The following NREP variants were observed in gnomAD, a reference collection of about 807,000 sequenced individuals.
The protein encoded by NREP is neuronal regeneration related protein.
Under a neutral mutation model 8.6 loss-of-function variants are expected in NREP, and 5 were observed. That is an observed-to-expected ratio of 0.58 (90% CI 0.30 to 1.22). The LOEUF is 1.22. NREP is among the 50% of genes most tolerant of loss of function. NREP has a pLI of 0.07. For synonymous variants in NREP, 27 were observed against 28.0 expected, an observed-to-expected ratio of 0.96 and a Z score of 0.11; for missense variants, 86 against 82.5, an observed-to-expected ratio of 1.04 and a Z score of -0.17.
At chr5:111,904,681 G>A (rs992313509) in intron 2 of NREP, among the ~76,000 whole-genome samples, 2 of 152,112 alleles carry the variant, frequency 1.3e-5, no homozygotes, top group South Asian at 2.1e-4. Flanking sequence ...GGTATAATGA[G>A]TATTTTGAAT....
intron 2 of NREP, among the ~76,000 whole-genome samples, chr5:111,838,054 G>A (rs1389256176): frequency 6.6e-6 from 1 of 151,966 alleles, no homozygotes; most frequent in Non-Finnish European, 1.5e-5. Flanking sequence ...AAAGAAATAT[G>A]TGTGCCATAT....
In NREP at chr5:111,940,844, C is replaced by T. The variant is rs189289939; in HGVS notation, c.135+34430G>A. The stretch of plus-strand genomic sequence containing the variant: ...AAGGACTCAGAGGACACAATAAAAC[C>T]ATTATACTTTTGGTTATAGTACAGT... On this transcript the variant is annotated intron_variant, in intron 2 of 3. Transcript: ENST00000395634. Among the ~76,000 whole-genome samples, 61 of 152,044 alleles carry T rather than the reference C, an allele frequency of 4.0e-4. No individual in the cohort carries two copies. The South Asian group carries it at 0.012, about 31-fold the overall frequency.
intron 2 of NREP, among the ~76,000 whole-genome samples, chr5:111,880,730 CTTTTTTTTTTTT>C (rs140190021): frequency 1.1e-5 from 1 of 92,178 alleles, no homozygotes; most frequent in African/African-American, 4.2e-5. Context: ...GAACATAAGC[CTTTTTTTTTTTT>C]TTTTTTTTTT....
intron 2 of NREP, among the ~76,000 whole-genome samples, chr5:111,907,210 T>C (rs1754799569): frequency 6.6e-6 from 1 of 152,148 alleles, no homozygotes; most frequent in South Asian, 2.1e-4. Context: ...CTGGCATCAA[T>C]TTTTTCTTAC....
chr5:111,845,053 C>T (rs920018488), intron 2 of NREP, among the ~76,000 whole-genome samples: 1 of 152,040 alleles, frequency 6.6e-6, no homozygotes, highest in Non-Finnish European at 1.5e-5. Flanking sequence ...GGTCGGGAGC[C>T]TGGGGCCACA....
At chr5:111,757,823 A>T (rs1254319620), upstream of NREP, 1 of 963,526 alleles carries the variant, frequency 1.0e-6, no homozygotes, top group Non-Finnish European at 1.2e-6. Flanking sequence ...TCAGACAAAT[A>T]AGGAGGTGGA....
At chr5:111,867,020 A>G (rs1327286436) in intron 2 of NREP, among the ~76,000 whole-genome samples, 1 of 152,106 alleles carries the variant, frequency 6.6e-6, no homozygotes, top group Non-Finnish European at 1.5e-5. Flanking sequence ...GGGGAGGGAT[A>G]GCATTTGGAG....
chr5:111,892,172 T>C (rs1754410248), intron 2 of NREP, among the ~76,000 whole-genome samples: 1 of 152,100 alleles, frequency 6.6e-6, no homozygotes, highest in African/African-American at 2.4e-5. Flanking sequence ...TACCTACATC[T>C]TTTAAGGGCA....
At chr5:111,865,687 T>A (rs1190357727) in intron 2 of NREP, among the ~76,000 whole-genome samples, 1 of 152,054 alleles carries the variant, frequency 6.6e-6, no homozygotes, top group African/African-American at 2.4e-5. Context: ...GTCATCAGAG[T>A]TCCTGTCTTT....
intron 2 of NREP, among the ~76,000 whole-genome samples, chr5:111,894,157 T>G (rs916203465): frequency 6.6e-6 from 1 of 152,000 alleles, no homozygotes; most frequent in Non-Finnish European, 1.5e-5. Context: ...AGGCAGAGGT[T>G]GCAGTGAGCC....
chr5:111,730,622 C>A lies in NREP; in HGVS notation c.*299G>T, dbSNP rs892306480. 2 of 228,582 alleles carry A rather than the reference C, an allele frequency of 8.7e-6. No individual in the cohort carries two copies. The highest frequency in any genetic ancestry group is 1.7e-5 in the Non-Finnish European group (2 of 117,364). The allele number at this position is 228,582 out of a possible 1,614,324, so 14.2% of individuals were successfully genotyped here. On this transcript the variant is annotated 3_prime_UTR_variant, in exon 4 of 4. Coordinates refer to ENST00000257435, the MANE Select transcript of NREP (RefSeq NM_004772.4). ...CAGGAGTGGACCGGTTGTGTGAGCG[C>A]GGTGGGAGTTTGAGTTGTGGAAGAC... is the stretch of plus-strand genomic sequence containing the variant.
chr5:111,789,170 T>TA (rs1399990072), intron 2 of NREP, among the ~76,000 whole-genome samples: 6 of 152,240 alleles, frequency 3.9e-5, no homozygotes, highest in African/African-American at 1.4e-4. Context: ...CATATATGTG[T>TA]ATGCCTGTGT....
intron 2 of NREP, among the ~76,000 whole-genome samples, chr5:111,745,625 G>T (rs1362496174): frequency 2.0e-5 from 3 of 152,082 alleles, no homozygotes; most frequent in Non-Finnish European, 4.4e-5. Context: ...TTGAAATCCT[G>T]TTCACTATAA....
At chr5:111,972,557 G>A (rs1756851804) in intron 2 of NREP, among the ~76,000 whole-genome samples, 1 of 152,140 alleles carries the variant, frequency 6.6e-6, no homozygotes, top group African/African-American at 2.4e-5. Context: ...CAGTTCCTAT[G>A]TCAGAGCTCA....
intron 1 of NREP, chr5:111,756,092 G>C (rs571999170): frequency 8.7e-7 from 1 of 1,153,422 alleles, no homozygotes; most frequent in African/African-American, 1.6e-5. Flanking sequence ...TAAATTGCAT[G>C]AGTTCAAAAG....
chr5:111,927,819 G>T (rs1755431218), intron 2 of NREP, among the ~76,000 whole-genome samples: 1 of 152,232 alleles, frequency 6.6e-6, no homozygotes, highest in African/African-American at 2.4e-5. Flanking sequence ...CTTTGGGAAA[G>T]GCAGAGGCCA....
Position 111,892,782 on chromosome 5 carries a change from G to A in NREP, c.135+82492C>T, listed in dbSNP as rs1754425153. 2.0e-5 allele frequency among the ~76,000 whole-genome samples: 3 copies of A among 152,112 alleles called. No individual in the cohort carries two copies. The South Asian group carries it at 6.3e-4, about 32-fold the overall frequency. On this transcript the variant is annotated intron_variant, in intron 2 of 3. Coordinates refer to the NREP transcript ENST00000395634. ...CATGAGGAGAGGCTCTGGAGACTTAGTGCCACAGGGCAGCCATTCAAGGCA... is the reference window on the plus strand; with the variant it reads ...CATGAGGAGAGGCTCTGGAGACTTAATGCCACAGGGCAGCCATTCAAGGCA...
chr5:111,928,371 G>A (rs1755447407), intron 2 of NREP, among the ~76,000 whole-genome samples: 1 of 151,822 alleles, frequency 6.6e-6, no homozygotes, highest in Non-Finnish European at 1.5e-5. Flanking sequence ...TTCCTTATAA[G>A]GAAAATGACA....
chr5:111,834,694 GTGGAACCTTGGACAGA>G (rs2112940138), intron 2 of NREP, among the ~76,000 whole-genome samples: 1 of 152,286 alleles, frequency 6.6e-6, no homozygotes, highest in East Asian at 1.9e-4. Flanking sequence ...ATTACTGGCT[GTGGAACCTTGGACAGA>G]TTACCTCCCA....
Sources: allele counts gnomAD v4.1 joint callset (sites outside exome capture counted in the v4.1 genomes callset), GRCh38; gene constraint gnomAD v4.1.1; transcripts MANE v1.5; gene names NCBI Gene and HGNC (gene_info 2026-07-23, HGNC 2026-07-21).